The following CMIP variants were observed in gnomAD, a reference collection of about 807,000 sequenced individuals.
CMIP encodes the protein C-Maf-inducing protein.
CMIP carries 13 observed loss-of-function variants against 97.3 expected under a neutral mutation model. That is an observed-to-expected ratio of 0.13 (90% CI 0.09 to 0.21). The LOEUF is 0.21. Ranked by LOEUF, CMIP falls within the 10% of genes least tolerant of loss-of-function variation. The probability of loss-of-function intolerance (pLI) is 1.00; values close to 1 mark genes in which losing one functional copy is unlikely to be tolerated. For missense variants in CMIP, 847 were observed against 1,024.9 expected, an observed-to-expected ratio of 0.83 and a Z score of 2.37; for synonymous variants, 538 against 436.3, an observed-to-expected ratio of 1.23 and a Z score of -2.91.
At chr16:81,567,240 C>T (rs1173407732) in intron 1 of CMIP, among the ~76,000 whole-genome samples, 1 of 152,276 alleles carries the variant, frequency 6.6e-6, no homozygotes. Context: ...ACCACGGGAG[C>T]TTGTGCTGCT....
chr16:81,571,228 G>C (rs1308953181), intron 1 of CMIP, among the ~76,000 whole-genome samples: 1 of 152,226 alleles, frequency 6.6e-6, no homozygotes, highest in Non-Finnish European at 1.5e-5. Flanking sequence ...CCCAGCATTT[G>C]GGAGGCTCAG....
rs1486867305 is a variant in CMIP at position 81,696,335 on chromosome 16, C to T, written c.1531-225C>T. On this transcript the variant is annotated intron_variant, in intron 13 of 20. Transcript: ENST00000537098. The stretch of plus-strand genomic sequence containing the variant: ...CCTGCCCTCCCTCCTGTGCAGCTGA[C>T]AGCCAGTAGCCAGAGTCCCCTGGGG... The T allele has an allele frequency of 1.9e-5, 11 of 592,204 alleles. No homozygotes were observed. The East Asian group carries it at 2.6e-4, about 14-fold the overall frequency. The allele number at this position is 592,204 out of a possible 1,614,324, so 36.7% of individuals were successfully genotyped here.
At chr16:81,646,052 A>G (rs920273973) in intron 3 of CMIP, among the ~76,000 whole-genome samples, 1 of 151,248 alleles carries the variant, frequency 6.6e-6, no homozygotes, top group Non-Finnish European at 1.5e-5. Flanking sequence ...GGGTGAATAG[A>G]TCGATGAGTG....
chr16:81,708,826 A>G (rs988088010), intron 20 of CMIP, among the ~76,000 whole-genome samples: 7 of 152,240 alleles, frequency 4.6e-5, no homozygotes, highest in Non-Finnish European at 1.0e-4. Context: ...CTGCCTGGGC[A>G]GTGGGGAGCC....
chr16:81,641,112 C>G (rs573504449), intron 3 of CMIP, among the ~76,000 whole-genome samples: 3 of 152,252 alleles, frequency 2.0e-5, no homozygotes, highest in Middle Eastern at 3.4e-3. Flanking sequence ...TCCCAGGCCT[C>G]GCCCAGCTCT....
chr16:81,558,715 G>A (rs1216677634), intron 1 of CMIP, among the ~76,000 whole-genome samples: 2 of 152,172 alleles, frequency 1.3e-5, no homozygotes, highest in East Asian at 1.9e-4. Flanking sequence ...CACAGCTGCG[G>A]CAGCTGTGAG....
At chr16:81,548,418 G>GT (rs2090590586) in intron 1 of CMIP, among the ~76,000 whole-genome samples, 4 of 152,192 alleles carry the variant, frequency 2.6e-5, no homozygotes, top group Admixed American at 2.6e-4. Flanking sequence ...ATTACAGTGT[G>GT]AGGCACCAGC....
Position 81,633,491 on chromosome 16 carries a change from G to C in CMIP, c.477+12565G>C, listed in dbSNP as rs551613792. 7.5e-4 allele frequency among the ~76,000 whole-genome samples: 115 copies of C among 152,330 alleles called. 1 individual carries two copies. The highest frequency in any genetic ancestry group is 2.6e-3 in the African/African-American group (108 of 41,576). ...GAGGGATCATCAGAAAATACCCAGC[G>C]GGACAGCCGGCTAACTCTGGAAGGG... On this transcript the variant is annotated intron_variant, in intron 3 of 20. Coordinates refer to ENST00000537098, the MANE Select transcript of CMIP (RefSeq NM_198390.3).
intron 1 of CMIP, among the ~76,000 whole-genome samples, chr16:81,589,944 A>G (rs2091441990): frequency 6.6e-6 from 1 of 152,242 alleles, no homozygotes; most frequent in African/African-American, 2.4e-5. Flanking sequence ...TCAAGATCTC[A>G]GAGAAGACAT....
At chr16:81,532,819 C>A (rs1178575467) in intron 1 of CMIP, among the ~76,000 whole-genome samples, 1 of 152,180 alleles carries the variant, frequency 6.6e-6, no homozygotes, top group Non-Finnish European at 1.5e-5. Context: ...AACTGTGTGA[C>A]CTTGGACACA....
At chr16:81,582,322 A>G (rs908845927) in intron 1 of CMIP, among the ~76,000 whole-genome samples, 1 of 152,016 alleles carries the variant, frequency 6.6e-6, no homozygotes, top group Non-Finnish European at 1.5e-5. Flanking sequence ...TTTTTTGCCA[A>G]CTTGCCAGGG....
chr16:81,469,137 G>C (rs1907377810), intron 1 of CMIP, among the ~76,000 whole-genome samples: 1 of 152,240 alleles, frequency 6.6e-6, no homozygotes, highest in African/African-American at 2.4e-5. Flanking sequence ...AATGTCCTCT[G>C]TCCCTCAACC....
chr16:81,466,373 T>C (rs1907207757), intron 1 of CMIP, among the ~76,000 whole-genome samples: 2 of 152,214 alleles, frequency 1.3e-5, no homozygotes, highest in Admixed American at 6.5e-5. Flanking sequence ...TTTCCCTTTT[T>C]AAAAAAATTA....
chr16:81,640,013 A>G (rs2036218284), intron 3 of CMIP, among the ~76,000 whole-genome samples: 1 of 152,062 alleles, frequency 6.6e-6, no homozygotes, highest in Non-Finnish European at 1.5e-5. Context: ...TTGGGGCCGG[A>G]ATCCTCCCCC....
intron 1 of CMIP, among the ~76,000 whole-genome samples, chr16:81,522,212 G>T (rs760675545): frequency 6.6e-6 from 1 of 152,200 alleles, no homozygotes; most frequent in Admixed American, 6.5e-5. Flanking sequence ...TCCCATTGGC[G>T]ATCGATGATG....
Position 81,515,307 on chromosome 16 carries a change from T to A in CMIP, c.300+69766T>A, listed in dbSNP as rs142548035. ...ATGACTCACAGCTGAAAGGAACACC[T>A]TGGCCTTCTGATTCTCATCCTTGAA... On this transcript the variant is annotated intron_variant, in intron 1 of 20. Transcript: ENST00000537098. Among the ~76,000 whole-genome samples the A allele has an allele frequency of 8.7e-3, 1,330 of 152,328 alleles. 17 individuals are homozygous for A. Among genetic ancestry groups the A allele is most frequent in the African/African-American group, 0.03 (1,260 of 41,572 alleles).
chr16:81,466,684 T>C (rs938785011), intron 1 of CMIP, among the ~76,000 whole-genome samples: 2 of 152,202 alleles, frequency 1.3e-5, no homozygotes, highest in African/African-American at 4.8e-5. Context: ...TGCCATCCAA[T>C]TGATTGGTGA....
chr16:81,575,290 G>C (rs1209747021), intron 1 of CMIP, among the ~76,000 whole-genome samples: 4 of 152,112 alleles, frequency 2.6e-5, no homozygotes, highest in Non-Finnish European at 5.9e-5. Context: ...GGCCTCCTCT[G>C]GGCTTTACCA....
intron 1 of CMIP, among the ~76,000 whole-genome samples, chr16:81,471,573 A>C (rs548440027): frequency 6.7e-6 from 1 of 149,616 alleles, no homozygotes; most frequent in South Asian, 2.1e-4. Flanking sequence ...ACATGCATAC[A>C]CAAATACACA....
Sources: allele counts gnomAD v4.1 joint callset (sites outside exome capture counted in the v4.1 genomes callset), GRCh38; gene constraint gnomAD v4.1.1; transcripts MANE v1.5; gene names NCBI Gene and HGNC (gene_info 2026-07-23, HGNC 2026-07-21).